DPP6: variants seen among roughly 807,000 people sequenced by gnomAD.
DPP6 encodes the protein A-type potassium channel modulatory protein DPP6.
Under a neutral mutation model 122.6 loss-of-function variants are expected in DPP6, and 69 were observed. That is an observed-to-expected ratio of 0.56 (90% CI 0.46 to 0.69). DPP6 has a LOEUF of 0.69. Ranked by LOEUF, DPP6 falls within the 30% of genes least tolerant of loss-of-function variation. The probability of loss-of-function intolerance (pLI) is 0.00; values close to 1 mark genes in which losing one functional copy is unlikely to be tolerated. For synonymous variants in DPP6, 418 were observed against 433.1 expected (o/e 0.97, Z 0.43); for missense variants, 928 against 1,116.9 (o/e 0.83, Z 2.41).
intron 1 of DPP6, among the ~76,000 whole-genome samples, chr7:154,284,721 G>T (rs560237435): frequency 3.9e-5 from 6 of 152,286 alleles, no homozygotes; most frequent in African/African-American, 7.2e-5. Context: ...CGGGCGTGGT[G>T]GTGTGCACCT....
At chr7:154,060,346 GCGAGGCAGGGA>G (rs1801579034) in intron 1 of DPP6, among the ~76,000 whole-genome samples, 2 of 93,096 alleles carry the variant, frequency 2.1e-5, no homozygotes, top group Non-Finnish European at 4.3e-5. Context: ...GGCACCCCCC[GCGAGGCAGGGA>G]CTGAGAGCCA....
chr7:154,711,287 C>T (rs1341611995), intron 7 of DPP6, among the ~76,000 whole-genome samples: 1 of 152,134 alleles, frequency 6.6e-6, no homozygotes, highest in East Asian at 1.9e-4. Context: ...CATGGTGGCC[C>T]ACACATATGG....
chr7:154,654,252 A>C (rs1431739671), intron 6 of DPP6, among the ~76,000 whole-genome samples: 1 of 151,960 alleles, frequency 6.6e-6, no homozygotes, highest in Non-Finnish European at 1.5e-5. Flanking sequence ...ACCAAGGATG[A>C]CTGTGCTCAT....
chr7:154,715,569 G>A (rs545105500), intron 7 of DPP6, among the ~76,000 whole-genome samples: 3 of 152,090 alleles, frequency 2.0e-5, no homozygotes, highest in South Asian at 2.1e-4. Flanking sequence ...GACAATTTTC[G>A]ACTGCAGTAG....
chr7:154,594,325 G>C (rs1474647921), intron 5 of DPP6, among the ~76,000 whole-genome samples: 1 of 152,182 alleles, frequency 6.6e-6, no homozygotes, highest in East Asian at 1.9e-4. Flanking sequence ...TAGGGGTTTA[G>C]GGGTCTATAT....
chr7:154,287,505 G>A (rs1028033790), intron 1 of DPP6, among the ~76,000 whole-genome samples: 7 of 152,134 alleles, frequency 4.6e-5, no homozygotes, highest in African/African-American at 1.4e-4. Context: ...CAGATCCCAC[G>A]TGGGCCCTGT....
At chr7:154,238,199 T>C (rs1451689430) in intron 1 of DPP6, among the ~76,000 whole-genome samples, 1 of 152,240 alleles carries the variant, frequency 6.6e-6, no homozygotes, top group African/African-American at 2.4e-5. Context: ...ATATTTGGGA[T>C]TATAAATAAC....
intron 7 of DPP6, among the ~76,000 whole-genome samples, chr7:154,709,370 G>T (rs1841024337): frequency 6.6e-6 from 1 of 151,930 alleles, no homozygotes; most frequent in African/African-American, 2.4e-5. Flanking sequence ...TGTTGTTGTT[G>T]TTGTTGTTGT....
At chr7:153,799,031 G>T in the DPP6 span, among the ~76,000 whole-genome samples, 7 of 152,172 alleles carry the variant, frequency 4.6e-5, no homozygotes, top group African/African-American at 1.4e-4. Flanking sequence ...ATGAAGCTTT[G>T]CTTACTTGGC....
At chr7:154,850,558 G>A (rs1002020836) in intron 16 of DPP6, among the ~76,000 whole-genome samples, 1 of 152,162 alleles carries the variant, frequency 6.6e-6, no homozygotes, top group Non-Finnish European at 1.5e-5. Flanking sequence ...AATGTTGGTA[G>A]GATTCAGCAG....
At position 154,821,507 on chromosome 7, in the gene DPP6, T is replaced by A. The variant is rs555740116; in HGVS notation, c.1666+14395T>A. On this transcript the variant is annotated intron_variant, in intron 16 of 25. Transcript: ENST00000377770. This position sits in a 1 kb window ranked among gnomAD's most constrained non-coding sequence, Gnocchi z 4.2. ...CAAGGCTGCATACAATCTGGCCACA[T>A]CCTACTTATCCAGCCTCGTAATGAC... Among the ~76,000 whole-genome samples, 48 of 151,790 alleles carry A rather than the reference T, an allele frequency of 3.2e-4. No individual in the cohort carries two copies. Among genetic ancestry groups the A allele is most frequent in the African/African-American group, 1.1e-3 (44 of 41,422 alleles).
intron 1 of DPP6, among the ~76,000 whole-genome samples, chr7:154,204,116 C>T (rs147936279): frequency 1.3e-5 from 2 of 152,314 alleles, no homozygotes; most frequent in Non-Finnish European, 2.9e-5. Flanking sequence ...TCCTGCAGGG[C>T]AGTGCCACCT....
chr7:154,241,192 T>C lies in DPP6; in HGVS notation c.243+188129T>C, dbSNP rs867984465. 8.9e-5 allele frequency among the ~76,000 whole-genome samples: 13 copies of C among 145,472 alleles called. No individual in the cohort carries two copies. Among genetic ancestry groups the C allele is most frequent in the East Asian group, 3.9e-4 (2 of 5,122 alleles). On this transcript the variant is annotated intron_variant, in intron 1 of 25. Coordinates refer to ENST00000377770, the MANE Select transcript of DPP6 (RefSeq NM_130797.4). This position sits in a 1 kb window ranked among gnomAD's most constrained non-coding sequence, Gnocchi z 9.0. The stretch of plus-strand genomic sequence containing the variant: ...AGGTAATTCAATATCAATATGTGTG[T>C]GTGTGTGTGTGTGTGTGTGTGTGTG...
the DPP6 span, among the ~76,000 whole-genome samples, chr7:153,777,521 G>A: frequency 3.4e-5 from 4 of 118,778 alleles, no homozygotes; most frequent in African/African-American, 1.0e-4. Context: ...ATAAATAAGT[G>A]TGGTATATCC....
intron 7 of DPP6, among the ~76,000 whole-genome samples, chr7:154,682,439 G>A (rs1839338681): frequency 2.0e-5 from 3 of 152,242 alleles, no homozygotes; most frequent in Non-Finnish European, 4.4e-5. Context: ...AAGGAACAGT[G>A]AGGCCTCGTG....
At chr7:154,756,415 A>G (rs1219481166) in intron 8 of DPP6, among the ~76,000 whole-genome samples, 1 of 152,100 alleles carries the variant, frequency 6.6e-6, no homozygotes, top group Non-Finnish European at 1.5e-5. Flanking sequence ...CCTGCAGACT[A>G]CAGGCAATAG....
At chr7:154,525,838 A>G (rs1827365668) in intron 3 of DPP6, among the ~76,000 whole-genome samples, 1 of 152,082 alleles carries the variant, frequency 6.6e-6, no homozygotes, top group African/African-American at 2.4e-5. Flanking sequence ...TCTCATGCAA[A>G]TGAGTTACTG....
chr7:154,049,752 A>G, upstream of DPP6, among the ~76,000 whole-genome samples: 1 of 146,332 alleles, frequency 6.8e-6, no homozygotes, highest in Admixed American at 6.8e-5. Flanking sequence ...ACACCTGGCT[A>G]ATTTTTGTAT....
chr7:154,548,628 C>G (rs1489712332), intron 4 of DPP6, among the ~76,000 whole-genome samples: 2 of 152,078 alleles, frequency 1.3e-5, no homozygotes, highest in Non-Finnish European at 2.9e-5. Flanking sequence ...TGTACCATCA[C>G]TCCTCCATCA....
Sources: allele counts gnomAD v4.1 joint callset (sites outside exome capture counted in the v4.1 genomes callset), GRCh38; gene constraint gnomAD v4.1.1; non-coding constraint Gnocchi (gnomAD v3.1); transcripts MANE v1.5; gene names NCBI Gene and HGNC (gene_info 2026-07-23, HGNC 2026-07-21).